The following LHCGR variants were observed in gnomAD, a reference collection of about 807,000 sequenced individuals.
The protein encoded by LHCGR is lutropin-choriogonadotropic hormone receptor.
Under a neutral mutation model 60.7 loss-of-function variants are expected in LHCGR, and 55 were observed. The ratio of observed to expected loss-of-function variants is 0.91; its 90% CI spans 0.73 to 1.13. The LOEUF is 1.13. LHCGR is among the 50% of genes most tolerant of loss of function. The pLI, the probability that LHCGR is intolerant of heterozygous loss-of-function variation, is 0.00. For missense variants in LHCGR, 862 were observed against 836.0 expected (o/e 1.03, Z -0.38); for synonymous variants, 337 against 316.5 (o/e 1.06, Z -0.69).
At chr2:48,751,884 C>T (rs1669972363) in intron 1 of LHCGR, among the ~76,000 whole-genome samples, 1 of 152,062 alleles carries the variant, frequency 6.6e-6, no homozygotes, top group Non-Finnish European at 1.5e-5. Context: ...AAATAAATTG[C>T]CATAATTATT....
Position 48,731,221 on chromosome 2 carries a change from A to G in LHCGR, c.233+6T>C. Reference sequence around the variant, plus strand: ...AATGTCTTTTGATATGCAGTAACTTACTTACATTTTTATGACCTCATTAAG... The same window carrying G: ...AATGTCTTTTGATATGCAGTAACTTGCTTACATTTTTATGACCTCATTAAG... On this transcript the variant is annotated splice_donor_region_variant and intron_variant, in intron 2 of 10. Coordinates refer to ENST00000294954, the MANE Select transcript of LHCGR (RefSeq NM_000233.4). The G allele has an allele frequency of 6.3e-7, 1 of 1,585,462 alleles. No individual in the cohort carries two copies. Among genetic ancestry groups the G allele is most frequent in the Non-Finnish European group, 8.7e-7 (1 of 1,154,774 alleles).
chr2:48,692,425 G>A (rs1666896907), intron 10 of LHCGR, among the ~76,000 whole-genome samples: 1 of 152,194 alleles, frequency 6.6e-6, no homozygotes, highest in Non-Finnish European at 1.5e-5. Context: ...CTGGGCATAT[G>A]TCTAGCAATT....
intron 1 of LHCGR, among the ~76,000 whole-genome samples, chr2:48,749,641 G>A (rs75210329): frequency 2.2e-3 from 337 of 151,898 alleles, no homozygotes; most frequent in African/African-American, 7.6e-3. Context: ...AGCCAACTGA[G>A]GGGCTTAGGA....
chr2:48,713,301 C>T (rs1668083697), intron 7 of LHCGR, among the ~76,000 whole-genome samples: 1 of 152,136 alleles, frequency 6.6e-6, no homozygotes, highest in African/African-American at 2.4e-5. Context: ...TTATTATGCA[C>T]AAATTGCAGG....
At chr2:48,706,724 G>T (rs1667698297) in intron 8 of LHCGR, among the ~76,000 whole-genome samples, 1 of 152,162 alleles carries the variant, frequency 6.6e-6, no homozygotes, top group South Asian at 2.1e-4. Flanking sequence ...CTCATGCTGT[G>T]TTTTTCAGCT....
intron 6 of LHCGR, 54 bp downstream of exon 6, chr2:48,723,402 A>T: frequency 8.2e-7 from 1 of 1,216,188 alleles, no homozygotes; most frequent in Non-Finnish European, 1.2e-6. Context: ...CCAACCTAGT[A>T]GTGAGACTAG....
intron 10 of LHCGR, among the ~76,000 whole-genome samples, chr2:48,690,344 G>A (rs1056692030): frequency 6.6e-5 from 10 of 152,264 alleles, no homozygotes; most frequent in Non-Finnish European, 1.2e-4. Context: ...AGCATGGCTC[G>A]TACAGGCTGT....
intron 3 of LHCGR, among the ~76,000 whole-genome samples, chr2:48,725,996 G>A (rs1362660327): frequency 6.6e-6 from 1 of 152,032 alleles, no homozygotes; most frequent in Non-Finnish European, 1.5e-5. Context: ...ATCAGAGCAG[G>A]GAGTCTGTCT....
chr2:48,691,572 G>A (rs758506287), intron 10 of LHCGR, among the ~76,000 whole-genome samples: 10 of 152,270 alleles, frequency 6.6e-5, no homozygotes, highest in Admixed American at 1.3e-4. Context: ...AAGGCCGGGC[G>A]CGGTGGCTCA....
chr2:48,715,803 GA>G (rs1668221145), intron 6 of LHCGR, among the ~76,000 whole-genome samples: 2 of 152,168 alleles, frequency 1.3e-5, no homozygotes, highest in East Asian at 1.9e-4. Flanking sequence ...CTGAAATTCA[GA>G]AAATATAACT....
chr2:48,716,191 C>T (rs546444177), intron 6 of LHCGR, among the ~76,000 whole-genome samples: 9 of 152,270 alleles, frequency 5.9e-5, no homozygotes, highest in Middle Eastern at 6.8e-3. Flanking sequence ...TTCCAGCAAC[C>T]CTGCAAAGAG....
intron 6 of LHCGR, chr2:48,721,767 A>G (rs1338795650): frequency 2.1e-6 from 1 of 470,946 alleles, no homozygotes; most frequent in Non-Finnish European, 4.4e-6. Context: ...CCTCATCACA[A>G]TTTTGCCATG....
chr2:48,716,991 A>G (rs1166890741), intron 6 of LHCGR, among the ~76,000 whole-genome samples: 2 of 152,210 alleles, frequency 1.3e-5, no homozygotes, highest in East Asian at 3.9e-4. Context: ...TCAGTATGCC[A>G]GTTTGAGAAC....
rs1262094299 is a variant in LHCGR, at chr2:48,686,816, A to C, written c.*881T>G. ...AACATTTTATTTCATTCAAATAAAA[A>C]TATAAGCTCTAGAAAAAATTGTTTT... is the stretch of plus-strand genomic sequence containing the variant. On this transcript the variant is annotated 3_prime_UTR_variant, in exon 11 of 11. Transcript: ENST00000294954. 1.3e-5 allele frequency: 2 copies of C among 152,164 alleles called. No homozygotes were observed. Among genetic ancestry groups the C allele is most frequent in the Non-Finnish European group, 2.9e-5 (2 of 68,016 alleles). 9.4% of individuals were successfully genotyped at this position (152,164 alleles called of 1,614,324 possible). A position where few individuals can be genotyped will look rare whatever the true frequency, so the allele number is the denominator to read the frequency against.
chr2:48,707,144 C>G (rs557816581), intron 8 of LHCGR, among the ~76,000 whole-genome samples: 1 of 152,230 alleles, frequency 6.6e-6, no homozygotes, highest in South Asian at 2.1e-4. Flanking sequence ...TTCTAACAGT[C>G]AGGCCCGTCA....
chr2:48,715,085 G>A (rs904626829), intron 6 of LHCGR, among the ~76,000 whole-genome samples: 2 of 152,092 alleles, frequency 1.3e-5, no homozygotes, highest in Admixed American at 1.3e-4. Context: ...TCTCAGTGGG[G>A]CCTTTACTGG....
At chr2:48,712,759 C>G (rs1345159902) in intron 7 of LHCGR, among the ~76,000 whole-genome samples, 1 of 151,756 alleles carries the variant, frequency 6.6e-6, no homozygotes, top group Non-Finnish European at 1.5e-5. Context: ...GAGGATATGA[C>G]ATTTTCAAAA....
Position 48,755,619 on chromosome 2 carries a change from T to TGCAGCTGCA in LHCGR, c.52_53insTGCAGCTGC (p.Leu17_Gln18insLeuGlnLeu), listed in dbSNP as rs1670176274. 2 of 1,531,294 alleles carry TGCAGCTGCA rather than the reference T, an allele frequency of 1.3e-6. No individual in the cohort carries two copies. The highest frequency in any genetic ancestry group is 1.8e-6 in the Non-Finnish European group (2 of 1,141,790). 94.9% of individuals were successfully genotyped at this position (1,531,294 alleles called of 1,614,324 possible). On this transcript the variant is annotated inframe_insertion, in exon 1 of 11. Coordinates refer to ENST00000294954, the MANE Select transcript of LHCGR (RefSeq NM_000233.4). ...GCGCAGCGCTCGTGGCAGCGGCGGC[T>TGCAGCTGCA]GCAGCAGCAGCAGCAGCTTCAGCAG...
chr2:48,726,443 G>T (rs986458903), intron 3 of LHCGR, among the ~76,000 whole-genome samples: 4 of 152,166 alleles, frequency 2.6e-5, no homozygotes, highest in African/African-American at 9.7e-5. Flanking sequence ...GGCAGGGTTT[G>T]GCAAAGTATA....
Sources: gnomAD v4.1 joint callset for allele counts (sites outside exome capture counted in the v4.1 genomes callset) on GRCh38, gnomAD v4.1.1 for gene constraint, MANE v1.5 for transcripts, NCBI Gene and HGNC (gene_info 2026-07-23, HGNC 2026-07-21) for gene names.